The following ZNF675 variants were observed in gnomAD, a reference collection of about 807,000 sequenced individuals.
ZNF675 encodes zinc finger protein 675, also known as TRAF6 inhibitory zinc finger.
ZNF675 carries 36 observed loss-of-function variants against 56.1 expected under a neutral mutation model. That is an observed-to-expected ratio of 0.64 (90% CI 0.49 to 0.85). The LOEUF (loss-of-function observed/expected upper bound fraction) is 0.85. ZNF675 is among the 40% of genes least tolerant of loss of function. ZNF675 has a pLI of 0.00. For synonymous variants in ZNF675, 200 were observed against 218.9 expected, an observed-to-expected ratio of 0.91 and a Z score of 0.76; for missense variants, 663 against 654.2, an observed-to-expected ratio of 1.01 and a Z score of -0.15.
Position 23,653,882 on chromosome 19 carries a change from G to T in ZNF675, c.1051C>A (p.Arg351=). The T allele has an allele frequency of 1.9e-6, 3 of 1,613,694 alleles. No homozygotes were observed. Among genetic ancestry groups the T allele is most frequent in the Non-Finnish European group, 2.5e-6 (3 of 1,179,842 alleles). Residue 351 remains arginine, a synonymous_variant, in exon 4 of 4, where the codon CGA becomes AGA. Transcript: ENST00000359788. The part of the protein sequence containing the change: ...KCEECGKAFN[R]SSKLTEHKNI... The stretch of plus-strand genomic sequence containing the variant: ...TTATGTTCAGTAAGTTTTGAGGATC[G>T]GTTAAAAGCTTTTCCACATTCTTCA...
intron 3 of ZNF675, chr19:23,655,665 T>C (rs1967973473): frequency 6.6e-6 from 1 of 152,068 alleles, no homozygotes; most frequent in African/African-American, 2.4e-5. Flanking sequence ...TACATTGCAA[T>C]ATGAGGTTTG....
chr19:23,663,862 T>C (rs1968114871), intron 1 of ZNF675, among the ~76,000 whole-genome samples: 1 of 152,236 alleles, frequency 6.6e-6, no homozygotes, highest in African/African-American at 2.4e-5. Context: ...TTCTCCATTT[T>C]TACTAAGGAC....
intron 1 of ZNF675, among the ~76,000 whole-genome samples, chr19:23,672,928 A>C (rs1968245050): frequency 6.6e-6 from 1 of 152,328 alleles, no homozygotes; most frequent in East Asian, 1.9e-4. Context: ...ACTCTTACTT[A>C]CAGGAATAAC....
At chr19:23,684,782 C>A (rs781333294) in intron 1 of ZNF675, among the ~76,000 whole-genome samples, 13 of 152,198 alleles carry the variant, frequency 8.5e-5, no homozygotes, top group Non-Finnish European at 1.6e-4. Flanking sequence ...CAGTGACTGC[C>A]CCAAGTGCAT....
intron 3 of ZNF675, chr19:23,655,411 G>C (rs1967970118): frequency 6.5e-6 from 1 of 152,822 alleles, no homozygotes; most frequent in African/African-American, 2.4e-5. Context: ...TACAATCACA[G>C]TGCAATGCAC....
At chr19:23,675,487 C>A (rs1316134783) in intron 1 of ZNF675, among the ~76,000 whole-genome samples, 1 of 151,652 alleles carries the variant, frequency 6.6e-6, no homozygotes, top group Admixed American at 6.6e-5. Flanking sequence ...TCAAAAATTT[C>A]AAAATTGTAT....
At chr19:23,654,969 C>T (rs1319495991) in intron 3 of ZNF675, 2 of 278,062 alleles carry the variant, frequency 7.2e-6, no homozygotes, top group Non-Finnish European at 1.3e-5. Context: ...GGTGCAGTGA[C>T]TCACACCTGT....
chr19:23,670,155 T>C (rs1302922906), intron 1 of ZNF675, among the ~76,000 whole-genome samples: 1 of 152,186 alleles, frequency 6.6e-6, no homozygotes, highest in African/African-American at 2.4e-5. Context: ...GGGAACTCTA[T>C]TTCCAATTCT....
intron 1 of ZNF675, among the ~76,000 whole-genome samples, chr19:23,672,231 T>G (rs1968236202): frequency 6.2e-5 from 1 of 16,222 alleles, no homozygotes; most frequent in Non-Finnish European, 1.7e-4. Flanking sequence ...AGCTCTTGGG[T>G]TTAAAAAAAA....
chr19:23,683,057 T>C (rs1369374204), intron 1 of ZNF675, among the ~76,000 whole-genome samples: 1 of 151,186 alleles, frequency 6.6e-6, no homozygotes, highest in East Asian at 1.9e-4. Flanking sequence ...GGCGTGGTGG[T>C]GCGCATCTGT....
intron 1 of ZNF675, among the ~76,000 whole-genome samples, chr19:23,671,071 G>C (rs924685877): frequency 1.3e-5 from 2 of 152,132 alleles, no homozygotes; most frequent in African/African-American, 4.8e-5. Flanking sequence ...AAGTACAGAA[G>C]GTTACACAAA....
At chr19:23,665,582 G>A (rs1938418758) in intron 1 of ZNF675, among the ~76,000 whole-genome samples, 1 of 151,030 alleles carries the variant, frequency 6.6e-6, no homozygotes, top group Non-Finnish European at 1.5e-5. Flanking sequence ...TGCAACCTCC[G>A]CCCCCTGGGT....
Position 23,654,359 on chromosome 19 carries a change from T to C in ZNF675, c.574A>G (p.Arg192Gly). The change falls in exon 4 of 4, where the codon AGA (arginine) becomes GGA (glycine). Residue 192 changes from arginine to glycine, a missense_variant. Around this residue, in one of 3 missense-constraint regions of ZNF675, gnomAD observed 617 missense variants for 590.5 expected, o/e 1.04. Transcript: ENST00000359788. ...CAGAAATTCACCTTGGTATAATTTC[T>C]TTCATGTCGAGTTAGGTGTGAAAGC... ...CMLSHLTRHERNYTKVNFCKC... is the reference protein window; with the variant it reads ...CMLSHLTRHEGNYTKVNFCKC... 1.9e-6 allele frequency: 3 copies of C among 1,612,318 alleles called. No individual in the cohort carries two copies. The highest frequency in any genetic ancestry group is 2.5e-6 in the Non-Finnish European group (3 of 1,179,260).
intron 1 of ZNF675, among the ~76,000 whole-genome samples, chr19:23,676,100 T>C (rs1427910548): frequency 6.6e-6 from 1 of 151,136 alleles, no homozygotes; most frequent in African/African-American, 2.5e-5. Flanking sequence ...CTAAATAATC[T>C]AGAAGAAATG....
chr19:23,662,916 G>A (rs1470830498), intron 2 of ZNF675, 116 bp downstream of exon 2: 19 of 921,066 alleles, frequency 2.1e-5, no homozygotes, highest in South Asian at 1.1e-4. Flanking sequence ...CCCAGGAGGC[G>A]GAGGTTGCAG....
chr19:23,658,900 T>TCTATAGATCTAG (rs1568289191), intron 3 of ZNF675, among the ~76,000 whole-genome samples: 1 of 24,166 alleles, frequency 4.1e-5, no homozygotes, highest in Non-Finnish European at 1.1e-4. Flanking sequence ...GATCTATAGA[T>TCTATAGATCTAG]ATCTATAGAT....
rs866176943 is a variant in ZNF675, at chr19:23,667,925, A to G, written c.4-4767T>C. Among the ~76,000 whole-genome samples the G allele has an allele frequency of 1.9e-3, 253 of 131,820 alleles. 2 individuals carry two copies. The highest frequency in any genetic ancestry group is 6.9e-3 in the African/African-American group (223 of 32,410). 86.5% of individuals were successfully genotyped at this position (131,820 alleles called of 152,430 possible). A position where few individuals can be genotyped will look rare whatever the true frequency, so the allele number is the denominator to read the frequency against. ...CTAGATACAGAGTGCCGACTGGTGT[A>G]TTTACAATCCCTGAGCTAGACATAA... On this transcript the variant is annotated intron_variant, in intron 1 of 3. Transcript: ENST00000359788.
chr19:23,659,698 G>A (rs1968050232), intron 3 of ZNF675, among the ~76,000 whole-genome samples: 1 of 152,096 alleles, frequency 6.6e-6, no homozygotes, highest in Non-Finnish European at 1.5e-5. Context: ...ACTAGGAAAT[G>A]GCCCACCCAA....
intron 1 of ZNF675, among the ~76,000 whole-genome samples, chr19:23,681,952 C>T (rs899372851): frequency 2.6e-5 from 4 of 151,762 alleles, no homozygotes; most frequent in African/African-American, 9.7e-5. Flanking sequence ...TAATAAAATT[C>T]TCCATCTTTG....
Sources: allele counts gnomAD v4.1 joint callset (sites outside exome capture counted in the v4.1 genomes callset), GRCh38; gene constraint gnomAD v4.1.1; regional missense constraint gnomAD v4.1.1; transcripts MANE v1.5; gene names NCBI Gene and HGNC (gene_info 2026-07-23, HGNC 2026-07-21).